Variants in NFILZ observed in about 807,000 individuals in gnomAD.
NFILZ encodes the protein NFIL3 like protein.
At chr19:8,655,017 C>A (rs540282364) in intron 3 of NFILZ, among the ~76,000 whole-genome samples, 1 of 152,340 alleles carries the variant, frequency 6.6e-6, no homozygotes, top group South Asian at 2.1e-4. Flanking sequence ...GCCTTTGCTG[C>A]TCCTTCTGCC....
chr19:8,649,068 T>C (rs1271107444), intron 3 of NFILZ, among the ~76,000 whole-genome samples: 3 of 151,834 alleles, frequency 2.0e-5, no homozygotes, highest in Middle Eastern at 3.2e-3. Context: ...GCTCAAGTGA[T>C]CCTTCCACCT....
intron 3 of NFILZ, among the ~76,000 whole-genome samples, chr19:8,668,835 CA>C (rs1278209510): frequency 2.0e-5 from 3 of 152,096 alleles, no homozygotes; most frequent in Non-Finnish European, 4.4e-5. Context: ...AGTGGATAGT[CA>C]ATTTACCATC....
At chr19:8,633,423 G>A (rs2042879614) in intron 2 of NFILZ, among the ~76,000 whole-genome samples, 1 of 152,050 alleles carries the variant, frequency 6.6e-6, no homozygotes. Flanking sequence ...GGTCTGGATC[G>A]GGACCCTTTT....
In NFILZ at chr19:8,652,942, TTCTC is replaced by T. The variant is rs1294227362; in HGVS notation, c.-164+17202_-164+17205del. Among the ~76,000 whole-genome samples, 5 of 137,066 alleles carry T rather than the reference TTCTC, an allele frequency of 3.6e-5. No individual in the cohort carries two copies. The East Asian group carries it at 6.1e-4, about 17-fold the overall frequency. 89.9% of individuals were successfully genotyped at this position (137,066 alleles called of 152,430 possible). On this transcript the variant is annotated intron_variant, in intron 3 of 5. Coordinates refer to ENST00000691075, the MANE Select transcript of NFILZ (RefSeq NM_001378600.1). ...CTCTCTTCTCTCTCTCTTTCTCTCT[TTCTC>T]TCTCTTTCTTTCCCTTCCTTCCCTC...
At chr19:8,657,349 G>A (rs1355125546) in intron 3 of NFILZ, among the ~76,000 whole-genome samples, 4 of 151,842 alleles carry the variant, frequency 2.6e-5, no homozygotes, top group Admixed American at 6.6e-5. Context: ...TGATCCACCC[G>A]TCTCGGCCTC....
chr19:8,678,193 C>CCATCCATCCTTCCATCCATT lies in NFILZ; in HGVS notation c.*562_*563insCATCCTTCCATCCATTCATC, dbSNP rs2043127445. ...TCCATCCATCCATCCATCCATCCGT[C>CCATCCATCCTTCCATCCATT]CATCTATCCATCCATCCATTCATCC... is the stretch of plus-strand genomic sequence containing the variant. On this transcript the variant is annotated 3_prime_UTR_variant, in exon 6 of 6. Coordinates refer to ENST00000691075, the MANE Select transcript of NFILZ (RefSeq NM_001378600.1). Among the ~76,000 whole-genome samples the CCATCCATCCTTCCATCCATT allele has an allele frequency of 1.2e-5, 1 of 85,096 alleles. No homozygotes were observed. The highest frequency in any genetic ancestry group is 4.6e-5 in the African/African-American group (1 of 21,964). 55.8% of individuals were successfully genotyped at this position (85,096 alleles called of 152,430 possible).
chr19:8,672,309 A>G (rs1396924386), intron 3 of NFILZ, among the ~76,000 whole-genome samples: 4 of 152,202 alleles, frequency 2.6e-5, no homozygotes, highest in African/African-American at 9.6e-5. Context: ...CATTCAAAAA[A>G]AATCCATGCA....
At chr19:8,658,810 C>T (rs1215010198) in intron 3 of NFILZ, among the ~76,000 whole-genome samples, 8 of 152,154 alleles carry the variant, frequency 5.3e-5, no homozygotes, top group African/African-American at 1.9e-4. Flanking sequence ...AGTTGCTGGG[C>T]GCAGTGGCTC....
At chr19:8,647,606 C>T (rs148148395) in intron 3 of NFILZ, among the ~76,000 whole-genome samples, 2,504 of 145,250 alleles carry the variant, frequency 0.017, 70 homozygotes, top group African/African-American at 0.06. Context: ...GGAACGAGAT[C>T]ATGTCCTTTG....
intron 2 of NFILZ, among the ~76,000 whole-genome samples, chr19:8,634,696 T>C (rs2042886505): frequency 1.3e-5 from 2 of 151,942 alleles, no homozygotes; most frequent in South Asian, 4.1e-4. Context: ...GGCAACACAG[T>C]GAGACCTTGT....
intron 1 of NFILZ, among the ~76,000 whole-genome samples, chr19:8,631,473 TG>T (rs1442011825): frequency 3.3e-5 from 5 of 151,906 alleles, no homozygotes; most frequent in African/African-American, 9.7e-5. Flanking sequence ...CCTTGATCTC[TG>T]GGGGGTCTGG....
At chr19:8,665,000 C>G (rs1376900976) in intron 3 of NFILZ, among the ~76,000 whole-genome samples, 1 of 152,198 alleles carries the variant, frequency 6.6e-6, no homozygotes, top group Non-Finnish European at 1.5e-5. Flanking sequence ...ATCCCTCTCT[C>G]TGTGGTCCTT....
chr19:8,662,545 TGG>T (rs1317699518), intron 3 of NFILZ, among the ~76,000 whole-genome samples: 4 of 151,576 alleles, frequency 2.6e-5, no homozygotes, highest in East Asian at 1.9e-4. Flanking sequence ...TGAGTGAGTG[TGG>T]GAGGGGATGT....
At position 8,674,542 on chromosome 19, in the gene NFILZ, T is replaced by G. The variant is rs1200962049; in HGVS notation, c.-163-9T>G. On this transcript the variant is annotated splice_polypyrimidine_tract_variant and intron_variant, in intron 3 of 5. Transcript: ENST00000691075. Reference sequence around the variant, plus strand: ...TCACAAAACTAAACTTTTTTTTTTTTTTTTGCAGGATTTCTCAGAGCCTTC... The same window carrying G: ...TCACAAAACTAAACTTTTTTTTTTTGTTTTGCAGGATTTCTCAGAGCCTTC... 6.6e-6 allele frequency among the ~76,000 whole-genome samples: 1 copy of G among 152,050 alleles called. No individual in the cohort carries two copies. Among genetic ancestry groups the G allele is most frequent in the African/African-American group, 2.4e-5 (1 of 41,380 alleles).
intron 3 of NFILZ, among the ~76,000 whole-genome samples, chr19:8,636,613 T>C (rs1555746126): frequency 7.1e-6 from 1 of 141,144 alleles, no homozygotes; most frequent in Non-Finnish European, 1.6e-5. Flanking sequence ...CCCAGCTATG[T>C]TTTTTTTTTT....
intron 2 of NFILZ, among the ~76,000 whole-genome samples, chr19:8,633,668 C>T (rs542845181): frequency 1.9e-3 from 286 of 152,230 alleles, no homozygotes; most frequent in Middle Eastern, 3.4e-3. Flanking sequence ...TTTCCTGCCT[C>T]CCTTCCTGCC....
chr19:8,641,799 A>G (rs1385213540), intron 3 of NFILZ, among the ~76,000 whole-genome samples: 1 of 151,778 alleles, frequency 6.6e-6, no homozygotes, highest in Non-Finnish European at 1.5e-5. Flanking sequence ...TATGTGAAGC[A>G]TTTAGAACCA....
chr19:8,631,568 T>C (rs1555745514), intron 1 of NFILZ, among the ~76,000 whole-genome samples: 5 of 152,082 alleles, frequency 3.3e-5, no homozygotes, highest in African/African-American at 1.2e-4. Flanking sequence ...ATCTGAGTCT[T>C]GGCCCCCTCT....
At chr19:8,648,360 T>G (rs1239921457) in intron 3 of NFILZ, among the ~76,000 whole-genome samples, 4 of 152,066 alleles carry the variant, frequency 2.6e-5, no homozygotes, top group African/African-American at 9.7e-5. Flanking sequence ...GGGAAGCTAG[T>G]GTTTAATGGG....
Sources: gnomAD v4.1 joint callset for allele counts (sites outside exome capture counted in the v4.1 genomes callset) on GRCh38, gnomAD v4.1.1 for gene constraint, MANE v1.5 for transcripts, NCBI Gene and HGNC (gene_info 2026-07-23, HGNC 2026-07-21) for gene names.